Variants in EPHB1 observed in about 807,000 individuals in gnomAD.
EPHB1 encodes the protein EPH receptor B1, also known as ephrin type-B receptor 1.
In EPHB1, 30 loss-of-function variants were observed where a neutral mutation model predicts 94.4. The observed-to-expected ratio is 0.32, with a 90% CI of 0.24 to 0.43. The LOEUF is 0.43. EPHB1 is among the 20% of genes least tolerant of loss of function. EPHB1 has a pLI of 1.00. For missense variants in EPHB1, 1,055 were observed against 1,308.3 expected (o/e 0.81, Z 2.99); for synonymous variants, 522 against 489.1 (o/e 1.07, Z -0.89).
intron 1 of EPHB1, among the ~76,000 whole-genome samples, chr3:134,884,198 G>T (rs1388101228): frequency 6.6e-6 from 1 of 152,344 alleles, no homozygotes; most frequent in African/African-American, 2.4e-5. Flanking sequence ...CACTGGCTGA[G>T]TCCCATGTGC....
chr3:135,068,911 G>T (rs1306492158), intron 3 of EPHB1, among the ~76,000 whole-genome samples: 9 of 151,520 alleles, frequency 5.9e-5, no homozygotes, highest in Non-Finnish European at 1.3e-4. Context: ...GCCTCCCAAA[G>T]TGCTGGATCA....
intron 3 of EPHB1, among the ~76,000 whole-genome samples, chr3:135,052,997 A>ATGTGTG (rs1246498295): frequency 6.7e-4 from 67 of 100,062 alleles, no homozygotes; most frequent in African/African-American, 2.8e-3. Context: ...GTGTATATAT[A>ATGTGTG]TGTGTGTGTA....
intron 9 of EPHB1, among the ~76,000 whole-genome samples, chr3:135,178,230 G>GGGGA (rs777122038): frequency 6.8e-6 from 1 of 147,854 alleles, no homozygotes; most frequent in Non-Finnish European, 1.5e-5. Context: ...GGGGAGGGGG[G>GGGGA]GTGGATCATG....
chr3:134,988,993 G>A (rs1156412962), intron 3 of EPHB1, among the ~76,000 whole-genome samples: 1 of 152,194 alleles, frequency 6.6e-6, no homozygotes, highest in Non-Finnish European at 1.5e-5. Context: ...CCTAAGCTCA[G>A]AACTCTAGGC....
chr3:135,143,104 T>G, intron 5 of EPHB1, among the ~76,000 whole-genome samples: 1 of 139,504 alleles, frequency 7.2e-6, no homozygotes, highest in Non-Finnish European at 1.5e-5. Flanking sequence ...AGGCATGGAG[T>G]GAAGGCTCTG....
chr3:134,882,394 A>G (rs897403113), intron 1 of EPHB1, among the ~76,000 whole-genome samples: 2 of 152,224 alleles, frequency 1.3e-5, no homozygotes, highest in African/African-American at 4.8e-5. Flanking sequence ...TCAAAGCCCC[A>G]TCTTCTTCTA....
rs575628090 is a variant in EPHB1 at position 135,214,540 on chromosome 3, T to C, written c.2346+12851T>C. Among the ~76,000 whole-genome samples the C allele has an allele frequency of 2.3e-4, 35 of 152,320 alleles. No individual in the cohort carries two copies. The South Asian group carries it at 7.0e-3, about 31-fold the overall frequency. On this transcript the variant is annotated intron_variant, in intron 12 of 15. Coordinates refer to ENST00000398015, the MANE Select transcript of EPHB1 (RefSeq NM_004441.5). ...TGGAGGAAGCCAGGCCTGTCACTCA[T>C]GTGCGCTCCAGAGGTCTTTGTTCTG...
At chr3:135,030,954 G>T (rs1284598804) in intron 3 of EPHB1, among the ~76,000 whole-genome samples, 1 of 152,226 alleles carries the variant, frequency 6.6e-6, no homozygotes, top group Non-Finnish European at 1.5e-5. Flanking sequence ...CGTCGGAAAA[G>T]CGCAGTATTC....
chr3:134,987,943 A>AT (rs111855033), intron 3 of EPHB1, among the ~76,000 whole-genome samples: 1 of 151,900 alleles, frequency 6.6e-6, no homozygotes, highest in East Asian at 1.9e-4. Context: ...CCAGACTGGT[A>AT]TTTTTTTTAA....
chr3:135,163,352 C>G (rs1326848815), intron 7 of EPHB1, among the ~76,000 whole-genome samples: 1 of 152,166 alleles, frequency 6.6e-6, no homozygotes, highest in Non-Finnish European at 1.5e-5. Context: ...ATGGTACCCA[C>G]CACTTCCAAT....
chr3:135,251,162 GATTA>G (rs1194844009), intron 15 of EPHB1, among the ~76,000 whole-genome samples: 3 of 151,926 alleles, frequency 2.0e-5, no homozygotes, highest in Admixed American at 6.6e-5. Context: ...TTAAAAACTA[GATTA>G]ATTTCCTGGT....
chr3:134,822,956 A>G (rs891922327), intron 1 of EPHB1, among the ~76,000 whole-genome samples: 1 of 152,176 alleles, frequency 6.6e-6, no homozygotes, highest in Non-Finnish European at 1.5e-5. Flanking sequence ...GGGAAGCGGA[A>G]GTGATTTTCC....
chr3:134,881,301 T>A (rs892192578), intron 1 of EPHB1, among the ~76,000 whole-genome samples: 2 of 152,130 alleles, frequency 1.3e-5, no homozygotes, highest in Non-Finnish European at 2.9e-5. Context: ...AACATATATG[T>A]TGCAGTATGT....
At chr3:135,096,497 C>T (rs749694100) in intron 3 of EPHB1, among the ~76,000 whole-genome samples, 28 of 152,206 alleles carry the variant, frequency 1.8e-4, no homozygotes, top group Non-Finnish European at 3.5e-4. Context: ...TGTTTCTATA[C>T]GTTCCCAGGT....
At position 135,179,915 on chromosome 3, in the gene EPHB1, A is replaced by C; in HGVS notation, c.1815A>C (p.Glu605Asp). 1 of 1,613,976 alleles carries C rather than the reference A, an allele frequency of 6.2e-7. No homozygotes were observed. Among genetic ancestry groups the C allele is most frequent in the South Asian group, 1.1e-5 (1 of 91,088 alleles). ...CCTTCACTTACGAGGATCCCAACGAAGCTGTCCGGGAGTTTGCCAAGGAGA... is the reference window on the plus strand; with the variant it reads ...CCTTCACTTACGAGGATCCCAACGACGCTGTCCGGGAGTTTGCCAAGGAGA... ...IDPFTYEDPNEAVREFAKEID... is the reference protein window; with the variant it reads ...IDPFTYEDPNDAVREFAKEID... The change falls in exon 10 of 16, where the codon GAA becomes GAC. Residue 605 changes from glutamate (E) to aspartate (D), a missense_variant. Physicochemically the swap from Glu to Asp is conservative, Grantham distance 45. Transcript: ENST00000398015.
At position 135,143,437 on chromosome 3, in the gene EPHB1, G is replaced by A. The variant is rs201882112; in HGVS notation, c.1297+10388G>A. On this transcript the variant is annotated intron_variant, in intron 5 of 15. Coordinates refer to ENST00000398015, the MANE Select transcript of EPHB1 (RefSeq NM_004441.5). ...TTGGTGGCAGTGATGTCAGCCTTAG[G>A]GTGGTGGTGGTGGGTCCTCCAGCTG... 5.3e-5 allele frequency among the ~76,000 whole-genome samples: 8 copies of A among 152,256 alleles called. No individual in the cohort carries two copies. In the East Asian group the frequency reaches 9.7e-4, roughly 18 times the overall value.
At chr3:134,858,806 T>C (rs1047806711) in intron 1 of EPHB1, among the ~76,000 whole-genome samples, 1 of 152,170 alleles carries the variant, frequency 6.6e-6, no homozygotes, top group Non-Finnish European at 1.5e-5. Context: ...GGCCAGAGTT[T>C]CCAGCCAGGA....
chr3:135,132,243 C>T (rs1940445463), intron 4 of EPHB1, among the ~76,000 whole-genome samples: 2 of 152,092 alleles, frequency 1.3e-5, no homozygotes, highest in South Asian at 4.1e-4. Flanking sequence ...CAGATAGATC[C>T]CAAATGTGTG....
chr3:135,115,235 A>G (rs1256596724), intron 4 of EPHB1, among the ~76,000 whole-genome samples: 1 of 152,226 alleles, frequency 6.6e-6, no homozygotes. Context: ...CCCTCTTGCC[A>G]GGAATGCTCC....
Sources: allele counts gnomAD v4.1 joint callset (sites outside exome capture counted in the v4.1 genomes callset), GRCh38; gene constraint gnomAD v4.1.1; transcripts MANE v1.5; gene names NCBI Gene and HGNC (gene_info 2026-07-23, HGNC 2026-07-21).